GREB1L: variants seen among roughly 807,000 people sequenced by gnomAD.
GREB1L encodes GREB1 like retinoic acid receptor coactivator, also known as GREB1-like protein.
Under a neutral mutation model 200.8 loss-of-function variants are expected in GREB1L, and 17 were observed. The ratio of observed to expected loss-of-function variants is 0.08; its 90% CI spans 0.06 to 0.13. GREB1L has a LOEUF of 0.13. Ranked by LOEUF, GREB1L falls within the 10% of genes least tolerant of loss-of-function variation. The probability of loss-of-function intolerance (pLI) is 1.00; values close to 1 mark genes in which losing one functional copy is unlikely to be tolerated. For missense variants in GREB1L, 1,657 were observed against 2,367.7 expected, an observed-to-expected ratio of 0.70 and a Z score of 6.23; for synonymous variants, 789 against 893.0, an observed-to-expected ratio of 0.88 and a Z score of 2.08.
chr18:21,458,339 C>T (rs191689315), intron 15 of GREB1L, among the ~76,000 whole-genome samples: 46 of 152,212 alleles, frequency 3.0e-4, no homozygotes, highest in African/African-American at 1.0e-3. Flanking sequence ...CTGGCACCAG[C>T]AGGTGCTCAA....
At chr18:21,252,722 G>C (rs1215674531) in intron 1 of GREB1L, among the ~76,000 whole-genome samples, 1 of 151,584 alleles carries the variant, frequency 6.6e-6, no homozygotes, top group African/African-American at 2.4e-5. Flanking sequence ...ACAAAAATTA[G>C]CTGGGCGTCA....
chr18:21,319,878 C>T (rs2038926264), intron 1 of GREB1L, among the ~76,000 whole-genome samples: 2 of 152,158 alleles, frequency 1.3e-5, no homozygotes, highest in African/African-American at 4.8e-5. Flanking sequence ...TTCCCCAGAG[C>T]TGGTTTGGCC....
At position 21,439,503 on chromosome 18, in the gene GREB1L, T is replaced by A. The variant is rs1404759710; in HGVS notation, c.833-18T>A. The A allele has an allele frequency of 6.9e-7, 1 of 1,446,986 alleles. No homozygotes were observed. The highest frequency in any genetic ancestry group is 9.5e-7 in the Non-Finnish European group (1 of 1,051,352). The allele number at this position is 1,446,986 out of a possible 1,614,324, so 89.6% of individuals were successfully genotyped here. ...GCCCAGCCTCTGTTCTGAGCACTCC[T>A]CTCCTTGTGTTCTACAGATGCTGCT... On this transcript the variant is annotated intron_variant, in intron 7 of 32. Transcript: ENST00000424526.
Position 21,518,212 on chromosome 18 carries a change from G to A in GREB1L, c.5450G>A (p.Cys1817Tyr). The A allele has an allele frequency of 6.4e-7, 1 of 1,551,634 alleles. No individual in the cohort carries two copies. The highest frequency in any genetic ancestry group is 8.7e-7 in the Non-Finnish European group (1 of 1,146,970). ...NFRSPVLAID[C>Y]YLNIGPEVAI... ...AGGAGTCCTGTGCTGGCCATTGACT[G>A]CTACCTTAACATTGGACCAGAGGTA... The change falls in exon 31 of 33, where the codon TGC (cysteine) becomes TAC (tyrosine). Residue 1817 changes from cysteine (C) to tyrosine (Y), a missense_variant. Cys to Tyr is a radical substitution (Grantham distance 194). Transcript: ENST00000424526.
At chr18:21,245,321 C>T (rs1174779282) in intron 1 of GREB1L, among the ~76,000 whole-genome samples, 1 of 152,026 alleles carries the variant, frequency 6.6e-6, no homozygotes, top group African/African-American at 2.4e-5. Context: ...ATTATAAATT[C>T]GCTGTAGGAA....
rs2035746890 is a variant in GREB1L, at chr18:21,477,458, A to G, written c.2556+102A>G. The G allele has an allele frequency of 7.6e-6, 7 of 925,996 alleles. No individual in the cohort carries two copies. In the Admixed American group the frequency reaches 2.4e-4, roughly 31 times the overall value. The allele number at this position is 925,996 out of a possible 1,614,324, so 57.4% of individuals were successfully genotyped here. ...GTCATGGCTTAAGACCATATTCATA[A>G]GAATTCAAAATCTAACGTAATGCTT... On this transcript the variant is annotated intron_variant, in intron 17 of 32. Coordinates refer to ENST00000424526, the MANE Select transcript of GREB1L (RefSeq NM_001142966.3).
At chr18:21,316,008 G>A (rs1365254812) in intron 1 of GREB1L, among the ~76,000 whole-genome samples, 1 of 152,192 alleles carries the variant, frequency 6.6e-6, no homozygotes, top group African/African-American at 2.4e-5. Context: ...ATAGGCCTGA[G>A]GAAGGAGGCT....
intron 1 of GREB1L, among the ~76,000 whole-genome samples, chr18:21,256,862 G>A (rs2037806188): frequency 6.6e-6 from 1 of 151,868 alleles, no homozygotes; most frequent in Admixed American, 6.6e-5. Context: ...AAAATTAGCT[G>A]GGTTTGTTGG....
chr18:21,501,464 G>A (rs1233270736), intron 23 of GREB1L, among the ~76,000 whole-genome samples: 5 of 152,122 alleles, frequency 3.3e-5, no homozygotes, highest in Admixed American at 6.5e-5. Flanking sequence ...GCTCCCACCT[G>A]TGAGTGAGAA....
intron 1 of GREB1L, among the ~76,000 whole-genome samples, chr18:21,261,312 G>A (rs1175448115): frequency 6.6e-6 from 1 of 151,954 alleles, no homozygotes; most frequent in East Asian, 1.9e-4. Context: ...AGTTTTTAAG[G>A]AAGCTTCTGC....
At chr18:21,337,122 G>A (rs1205333563) in intron 1 of GREB1L, among the ~76,000 whole-genome samples, 4 of 152,160 alleles carry the variant, frequency 2.6e-5, no homozygotes, top group African/African-American at 7.2e-5. Context: ...TGTGATGCAG[G>A]ATCCAGTGAT....
chr18:21,301,256 T>G (rs1186110137), intron 1 of GREB1L, among the ~76,000 whole-genome samples: 2 of 152,214 alleles, frequency 1.3e-5, no homozygotes, highest in Admixed American at 1.3e-4. Context: ...ACAGGTTATT[T>G]TGTTTGCTTT....
intron 18 of GREB1L, 117 bp downstream of exon 18, chr18:21,485,870 G>C: frequency 1.1e-6 from 1 of 908,186 alleles, no homozygotes; most frequent in African/African-American, 1.7e-5. Context: ...TGCAGATGAC[G>C]TGCAAAGGCC....
At chr18:21,481,830 C>CTG (rs958751589) in intron 17 of GREB1L, among the ~76,000 whole-genome samples, 1 of 152,112 alleles carries the variant, frequency 6.6e-6, no homozygotes, top group Non-Finnish European at 1.5e-5. Flanking sequence ...TCTTTTTGCT[C>CTG]TGTGTGTGTG....
At chr18:21,399,827 A>G (rs774133804) in intron 5 of GREB1L, among the ~76,000 whole-genome samples, 8 of 152,210 alleles carry the variant, frequency 5.3e-5, no homozygotes, top group Non-Finnish European at 1.0e-4. Flanking sequence ...ATTGAATCAT[A>G]ACAAATTGGA....
At chr18:21,460,959 AG>A (rs1160511302) in intron 15 of GREB1L, among the ~76,000 whole-genome samples, 1 of 151,658 alleles carries the variant, frequency 6.6e-6, no homozygotes, top group African/African-American at 2.4e-5. Context: ...TAGCCAAGCA[AG>A]GTGGCATGCA....
chr18:21,490,005 G>T lies in GREB1L; in HGVS notation c.2691-7G>T, dbSNP rs754740923. ...CCTGAGTGCTAGTGCCTTGTTTTCT[G>T]TTGAAGGTACCCCAGGCTGCACAGC... On this transcript the variant is annotated splice_polypyrimidine_tract_variant and splice_region_variant and intron_variant, in intron 18 of 32. Coordinates refer to ENST00000424526, the MANE Select transcript of GREB1L (RefSeq NM_001142966.3). 26 of 1,547,986 alleles carry T rather than the reference G, an allele frequency of 1.7e-5. No individual in the cohort carries two copies. The African/African-American group carries it at 3.4e-4, about 20-fold the overall frequency.
At chr18:21,277,033 A>G (rs948336142) in intron 1 of GREB1L, among the ~76,000 whole-genome samples, 2 of 144,936 alleles carry the variant, frequency 1.4e-5, no homozygotes, top group African/African-American at 5.1e-5. Flanking sequence ...GGTTCACGCC[A>G]TTCTCCTGCC....
At chr18:21,392,275 CCAT>C (rs971303927) in intron 4 of GREB1L, among the ~76,000 whole-genome samples, 2 of 152,054 alleles carry the variant, frequency 1.3e-5, no homozygotes, top group African/African-American at 2.4e-5. Context: ...GTTTTAGCTG[CCAT>C]CATCATCATC....
Sources: gnomAD v4.1 joint callset for allele counts (sites outside exome capture counted in the v4.1 genomes callset) on GRCh38, gnomAD v4.1.1 for gene constraint, MANE v1.5 for transcripts, NCBI Gene and HGNC (gene_info 2026-07-23, HGNC 2026-07-21) for gene names.